Variants in OSGIN2 observed in about 807,000 individuals in gnomAD.
OSGIN2 encodes the protein oxidative stress induced growth inhibitor family member 2, also known as oxidative stress-induced growth inhibitor 2.
In OSGIN2, 19 loss-of-function variants were observed where a neutral mutation model predicts 53.8. The observed-to-expected ratio is 0.35, with a 90% confidence interval of 0.25 to 0.52. The LOEUF (loss-of-function observed/expected upper bound fraction) is 0.52. Among genes scored for constraint, OSGIN2 ranks in the 20% least tolerant of loss-of-function variants. The pLI, the probability that OSGIN2 is intolerant of heterozygous loss-of-function variation, is 0.95. For synonymous variants in OSGIN2, 236 were observed against 236.0 expected, an observed-to-expected ratio of 1.00 and a Z score of 0.00; for missense variants, 520 against 662.7, an observed-to-expected ratio of 0.78 and a Z score of 2.36.
intron 4 of OSGIN2, among the ~76,000 whole-genome samples, chr8:89,915,711 C>T (rs1809063196): frequency 6.6e-6 from 1 of 152,172 alleles, no homozygotes; most frequent in South Asian, 2.1e-4. Context: ...TAACATATTA[C>T]ATACCAAATT....
intron 1 of OSGIN2, among the ~76,000 whole-genome samples, chr8:89,904,865 T>C (rs923686759): frequency 3.3e-5 from 5 of 152,166 alleles, no homozygotes; most frequent in African/African-American, 4.8e-5. Flanking sequence ...TTGTGACATC[T>C]ATTGTCTAAC....
At position 89,926,256 on chromosome 8, in the gene OSGIN2, A is replaced by C. The variant is rs187211362; in HGVS notation, c.*724A>C. 1 of 152,708 alleles carries C rather than the reference A, an allele frequency of 6.5e-6. No individual in the cohort carries two copies. Among genetic ancestry groups the C allele is most frequent in the East Asian group, 1.9e-4 (1 of 5,186 alleles). The allele number at this position is 152,708 out of a possible 1,614,324, so 9.5% of individuals were successfully genotyped here. A position where few individuals can be genotyped will look rare whatever the true frequency, so the allele number is the denominator to read the frequency against. On this transcript the variant is annotated 3_prime_UTR_variant, in exon 6 of 6. Coordinates refer to ENST00000451899, the MANE Select transcript of OSGIN2 (RefSeq NM_001126111.3). Reference sequence around the variant, plus strand: ...GACAGGTACTTCATATTCTTCTAATAATTTAAACAGTCCAATAATGTGGTA... The same window carrying C: ...GACAGGTACTTCATATTCTTCTAATCATTTAAACAGTCCAATAATGTGGTA...
Position 89,925,103 on chromosome 8 carries a change from G to A in OSGIN2, c.1221G>A (p.Gln407=), listed in dbSNP as rs1047568199. The change falls in exon 6 of 6, where the codon CAG becomes CAA. Residue 407 remains glutamine, a synonymous_variant. Transcript: ENST00000451899. The stretch of plus-strand genomic sequence containing the variant: ...AAGTCTATCATATGATGTGTACTCA[G>A]TCATATTCTGTAGACTCAAATCTTT... ...YHKVYHMMCT[Q]SYSVDSNLLS... 1.9e-6 allele frequency: 3 copies of A among 1,613,334 alleles called. No individual in the cohort carries two copies. Among genetic ancestry groups the A allele is most frequent in the Non-Finnish European group, 2.5e-6 (3 of 1,179,376 alleles).
chr8:89,902,446 C>G (rs1489623897), upstream of OSGIN2: 3 of 152,168 alleles, frequency 2.0e-5, no homozygotes, highest in African/African-American at 4.8e-5. Flanking sequence ...GCCGTGGCTC[C>G]ACCAATCGCA....
intron 4 of OSGIN2, among the ~76,000 whole-genome samples, chr8:89,918,573 A>T (rs1484815033): frequency 6.6e-6 from 1 of 152,176 alleles, no homozygotes; most frequent in Non-Finnish European, 1.5e-5. Flanking sequence ...TGGCTTGCAT[A>T]TTGATATTAA....
chr8:89,914,320 C>G, intron 3 of OSGIN2, 107 bp downstream of exon 3: 1 of 750,458 alleles, frequency 1.3e-6, no homozygotes, highest in South Asian at 2.0e-5. Context: ...TAAATAACAC[C>G]TTATATCATT....
At chr8:89,909,033 AAAAAATATATATATATAC>A (rs1563465123) in intron 1 of OSGIN2, among the ~76,000 whole-genome samples, 2 of 114,930 alleles carry the variant, frequency 1.7e-5, no homozygotes, top group African/African-American at 1.0e-4. Flanking sequence ...AAAAAAAAAA[AAAAAATATATATATATAC>A]ATATATATAT....
At chr8:89,907,866 A>G (rs1416412046) in intron 1 of OSGIN2, among the ~76,000 whole-genome samples, 2 of 152,186 alleles carry the variant, frequency 1.3e-5, no homozygotes, top group African/African-American at 4.8e-5. Context: ...ATGAATTTGC[A>G]TAGCCATTTT....
Position 89,927,796 on chromosome 8 carries a change from G to C in OSGIN2, c.*2264G>C, listed in dbSNP as rs1263808250. 6.6e-6 allele frequency: 1 copy of C among 152,162 alleles called. No individual in the cohort carries two copies. Among genetic ancestry groups the C allele is most frequent in the Non-Finnish European group, 1.5e-5 (1 of 68,038 alleles). 9.4% of individuals were successfully genotyped at this position (152,162 alleles called of 1,614,324 possible). A position where few individuals can be genotyped will look rare whatever the true frequency, so the allele number is the denominator to read the frequency against. Reference sequence around the variant, plus strand: ...TAGTTCTATGTAATATATTTCTGTGGCATCAAATTTTAGTTGATTGTATTA... The same window carrying C: ...TAGTTCTATGTAATATATTTCTGTGCCATCAAATTTTAGTTGATTGTATTA... On this transcript the variant is annotated 3_prime_UTR_variant, in exon 6 of 6. Coordinates refer to ENST00000451899, the MANE Select transcript of OSGIN2 (RefSeq NM_001126111.3).
intron 2 of OSGIN2, 132 bp downstream of exon 2, chr8:89,909,853 A>G (rs918596786): frequency 1.2e-5 from 6 of 510,142 alleles, no homozygotes; most frequent in East Asian, 6.5e-5. Context: ...CTAAAAAACT[A>G]ATAACCAAAT....
At chr8:89,907,184 A>C (rs748553852) in intron 1 of OSGIN2, among the ~76,000 whole-genome samples, 5 of 152,208 alleles carry the variant, frequency 3.3e-5, no homozygotes, top group Non-Finnish European at 7.3e-5. Context: ...CATAGTTTGC[A>C]AAAATTTTCT....
intron 4 of OSGIN2, among the ~76,000 whole-genome samples, chr8:89,920,387 G>C (rs745802218): frequency 1.3e-5 from 2 of 152,220 alleles, no homozygotes; most frequent in African/African-American, 2.4e-5. Flanking sequence ...GCCTAAAAGA[G>C]TTGATTGAAA....
At chr8:89,914,453 G>C (rs1809036024) in intron 3 of OSGIN2, 102 bp from the exon 4 acceptor site, 1 of 847,140 alleles carries the variant, frequency 1.2e-6, no homozygotes, top group Non-Finnish European at 1.8e-6. Context: ...GTCAAGTTGG[G>C]GGTACTGCTT....
Position 89,925,766 on chromosome 8 carries a change from CTTTCA to C in OSGIN2, c.*238_*242del. On this transcript the variant is annotated 3_prime_UTR_variant, in exon 6 of 6. Transcript: ENST00000451899. ...CACTGCCAACTTGGTGTAACTTAAG[CTTTCA>C]TTTAACTAAAACATTCTTTTCTTGC... is the stretch of plus-strand genomic sequence containing the variant. 2.4e-6 allele frequency: 1 copy of C among 424,538 alleles called. No individual in the cohort carries two copies. 26.3% of individuals were successfully genotyped at this position (424,538 alleles called of 1,614,324 possible).
chr8:89,914,598 A>G lies in OSGIN2; in HGVS notation c.380A>G (p.Asn127Ser). The change falls in exon 4 of 6, where the codon AAT becomes AGT. Residue 127 changes from asparagine to serine, a missense_variant. By Grantham distance (46) the Asn-to-Ser change is conservative. Coordinates refer to ENST00000451899, the MANE Select transcript of OSGIN2 (RefSeq NM_001126111.3). ...GAGGGCCTTGAGGGCCGATCATCCA[A>G]TCCAGTTGCAGTACTTTTCGATACA... Reference protein sequence around the residue: ...LSEGLEGRSSNPVAVLFDTLL... With the variant: ...LSEGLEGRSSSPVAVLFDTLL... 3.7e-6 allele frequency: 6 copies of G among 1,614,074 alleles called. No homozygotes were observed. The highest frequency in any genetic ancestry group is 4.2e-6 in the Non-Finnish European group (5 of 1,179,960).
intron 1 of OSGIN2, among the ~76,000 whole-genome samples, chr8:89,903,682 A>T (rs1808777121): frequency 6.6e-6 from 1 of 152,232 alleles, no homozygotes; most frequent in African/African-American, 2.4e-5. Context: ...TCATTTCACT[A>T]AATTTTAAAA....
chr8:89,915,051 CT>C (rs1343598949), intron 4 of OSGIN2, among the ~76,000 whole-genome samples: 1 of 152,160 alleles, frequency 6.6e-6, no homozygotes, highest in East Asian at 1.9e-4. Flanking sequence ...TCATTTTAGA[CT>C]TTACATAATC....
rs1809324136 is a variant in OSGIN2 at position 89,926,017 on chromosome 8, A to G, written c.*485A>G. ...TCAGGCCCCACAACTTACTTCCTGC[A>G]TTTTAACAAGATCCCCAAGGGATAT... is the stretch of plus-strand genomic sequence containing the variant. On this transcript the variant is annotated 3_prime_UTR_variant, in exon 6 of 6. Coordinates refer to ENST00000451899, the MANE Select transcript of OSGIN2 (RefSeq NM_001126111.3). The G allele has an allele frequency of 6.4e-6, 1 of 156,072 alleles. No individual in the cohort carries two copies. The allele number at this position is 156,072 out of a possible 1,614,324, so 9.7% of individuals were successfully genotyped here. A position where few individuals can be genotyped will look rare whatever the true frequency, so the allele number is the denominator to read the frequency against.
chr8:89,916,601 C>T (rs557800956), intron 4 of OSGIN2, among the ~76,000 whole-genome samples: 1 of 152,196 alleles, frequency 6.6e-6, no homozygotes, highest in Admixed American at 6.6e-5. Flanking sequence ...GACGTAAACT[C>T]CTTGAGTCAT....
Sources: allele counts gnomAD v4.1 joint callset (sites outside exome capture counted in the v4.1 genomes callset), GRCh38; gene constraint gnomAD v4.1.1; transcripts MANE v1.5; gene names NCBI Gene and HGNC (gene_info 2026-07-23, HGNC 2026-07-21).